UXS1: variants seen among roughly 807,000 people sequenced by gnomAD.
The protein encoded by UXS1 is UDP-glucuronate decarboxylase 1.
Under a neutral mutation model 62.6 loss-of-function variants are expected in UXS1, and 33 were observed. The ratio of observed to expected loss-of-function variants is 0.53; its 90% confidence interval spans 0.40 to 0.70. The LOEUF (loss-of-function observed/expected upper bound fraction) is 0.70. Among genes scored for constraint, UXS1 ranks in the 30% least tolerant of loss-of-function variants. UXS1 has a pLI of 0.00. For synonymous variants in UXS1, 213 were observed against 206.8 expected (o/e 1.03, Z -0.26); for missense variants, 434 against 556.3 (o/e 0.78, Z 2.21).
Position 106,122,955 on chromosome 2 carries a change from A to G in UXS1, c.759+15T>C. 1.2e-6 allele frequency: 2 copies of G among 1,613,276 alleles called. No homozygotes were observed. The highest frequency in any genetic ancestry group is 1.7e-6 in the Non-Finnish European group (2 of 1,179,572). ...CAGCACGCCTAAACCGCAAGCCTAG[A>G]CCCTGGTGAAATACCTGCTTCATGT... On this transcript the variant is annotated intron_variant, in intron 9 of 14. Transcript: ENST00000283148.
chr2:106,149,453 GGAGT>G (rs1681840809), intron 5 of UXS1, among the ~76,000 whole-genome samples: 2 of 152,184 alleles, frequency 1.3e-5, no homozygotes, highest in African/African-American at 2.4e-5. Flanking sequence ...CATTATCAGA[GGAGT>G]GAGTGTGTTA....
Position 106,112,119 on chromosome 2 carries a change from T to A in UXS1, c.879+527A>T, listed in dbSNP as rs143080199. 1.3e-3 allele frequency among the ~76,000 whole-genome samples: 196 copies of A among 152,306 alleles called. No homozygotes were observed. In the Middle Eastern group the frequency reaches 0.037, roughly 29 times the overall value. The stretch of plus-strand genomic sequence containing the variant: ...CAAGCAGTCAGTGTCGGCACAGACA[T>A]CTTTGCCACACACTTGGACCACCGA... On this transcript the variant is annotated intron_variant, in intron 10 of 14. Coordinates refer to ENST00000283148, the MANE Select transcript of UXS1 (RefSeq NM_001253875.2).
intron 7 of UXS1, among the ~76,000 whole-genome samples, chr2:106,128,730 T>C (rs952097586): frequency 1.3e-5 from 2 of 152,220 alleles, no homozygotes; most frequent in African/African-American, 4.8e-5. Context: ...TCTAAATCTC[T>C]ACACATCCTA....
At chr2:106,155,492 C>T (rs1296100668) in intron 5 of UXS1, among the ~76,000 whole-genome samples, 1 of 152,192 alleles carries the variant, frequency 6.6e-6, no homozygotes, top group Non-Finnish European at 1.5e-5. Flanking sequence ...AATTCTAGTC[C>T]TGCAAGCTCC....
chr2:106,178,024 A>T (rs1442566), intron 1 of UXS1, among the ~76,000 whole-genome samples: 16,152 of 152,096 alleles, frequency 0.11, 1,258 homozygotes, highest in East Asian at 0.32. Flanking sequence ...TGCCAGAAGA[A>T]CTCCTCTGTA....
chr2:106,124,766 G>T (rs1679790118), intron 8 of UXS1, among the ~76,000 whole-genome samples: 1 of 152,100 alleles, frequency 6.6e-6, no homozygotes, highest in African/African-American at 2.4e-5. Context: ...CTTCAAAAAA[G>T]TAGACAATGA....
chr2:106,123,589 G>A (rs1679700767), intron 8 of UXS1, among the ~76,000 whole-genome samples: 1 of 152,220 alleles, frequency 6.6e-6, no homozygotes, highest in African/African-American at 2.4e-5. Flanking sequence ...CTGTAGGGCA[G>A]GTGGAGGGAC....
intron 11 of UXS1, chr2:106,102,643 C>T (rs901758425): frequency 6.6e-6 from 1 of 152,134 alleles, no homozygotes; most frequent in African/African-American, 2.4e-5. Flanking sequence ...CCACCTAGAC[C>T]TCAGACTCCC....
chr2:106,121,676 A>G (rs1679532726), intron 9 of UXS1, among the ~76,000 whole-genome samples: 1 of 152,234 alleles, frequency 6.6e-6, no homozygotes, highest in African/African-American at 2.4e-5. Context: ...GAAGTGGATA[A>G]TGTAAGCCAA....
At chr2:106,186,457 T>TACACACACAC (rs55995858) in intron 1 of UXS1, among the ~76,000 whole-genome samples, 1,663 of 148,754 alleles carry the variant, frequency 0.011, 24 homozygotes, top group African/African-American at 0.026. Context: ...TATATATATA[T>TACACACACAC]ACACACACAC....
At chr2:106,188,423 C>T (rs1323139265) in intron 1 of UXS1, among the ~76,000 whole-genome samples, 1 of 152,208 alleles carries the variant, frequency 6.6e-6, no homozygotes, top group East Asian at 1.9e-4. Context: ...GCAGCAGAGA[C>T]AGGAAGTCTG....
intron 13 of UXS1, 185 bp from the exon 14 acceptor site, chr2:106,097,006 C>A (rs1395884563): frequency 2.1e-5 from 15 of 706,706 alleles, no homozygotes; most frequent in Non-Finnish European, 3.8e-5. Flanking sequence ...CCAGGGAGTG[C>A]TCCTGCAACT....
chr2:106,117,733 A>G (rs1035241202), intron 9 of UXS1, among the ~76,000 whole-genome samples: 2 of 152,150 alleles, frequency 1.3e-5, no homozygotes, highest in Non-Finnish European at 2.9e-5. Flanking sequence ...GTATATGCAC[A>G]TCCCTAAAGC....
At chr2:106,121,247 G>A (rs529936173) in intron 9 of UXS1, among the ~76,000 whole-genome samples, 1 of 152,252 alleles carries the variant, frequency 6.6e-6, no homozygotes, top group South Asian at 2.1e-4. Context: ...CTCAAGAAGT[G>A]CTGCTTCTAT....
Position 106,093,890 on chromosome 2 carries a change from G to T in UXS1, c.*136C>A. ...TTTTAGGCACATCCATTTCATTAAA[G>T]CAAGCTTCAGAATGAAATTCCAGTT... On this transcript the variant is annotated 3_prime_UTR_variant, in exon 15 of 15. Coordinates refer to ENST00000283148, the MANE Select transcript of UXS1 (RefSeq NM_001253875.2). 8.1e-7 allele frequency: 1 copy of T among 1,240,982 alleles called. No homozygotes were observed. The highest frequency in any genetic ancestry group is 1.1e-6 in the Non-Finnish European group (1 of 939,384). The allele number at this position is 1,240,982 out of a possible 1,614,324, so 76.9% of individuals were successfully genotyped here.
chr2:106,142,923 A>ATG (rs141333004), intron 6 of UXS1, among the ~76,000 whole-genome samples: 84,729 of 148,904 alleles, frequency 0.57, 24,056 homozygotes, highest in Middle Eastern at 0.62. Context: ...GTTTGCATGT[A>ATG]TGTGTGTGTG....
intron 14 of UXS1, among the ~76,000 whole-genome samples, chr2:106,096,170 G>A (rs1573380864): frequency 1.3e-5 from 2 of 151,376 alleles, no homozygotes; most frequent in East Asian, 2.0e-4. Flanking sequence ...TTGGCACAGC[G>A]TTCACAGTCA....
chr2:106,155,319 T>C (rs1216523976), intron 5 of UXS1, among the ~76,000 whole-genome samples: 1 of 152,202 alleles, frequency 6.6e-6, no homozygotes, highest in Non-Finnish European at 1.5e-5. Context: ...AGAGAGTTCA[T>C]TGCTAGCAGA....
chr2:106,097,570 G>T, intron 13 of UXS1: 1 of 243,912 alleles, frequency 4.1e-6, no homozygotes. Flanking sequence ...CCCAGCCTTA[G>T]GTTTCAAATA....
Sources: gnomAD v4.1 joint callset for allele counts (sites outside exome capture counted in the v4.1 genomes callset) on GRCh38, gnomAD v4.1.1 for gene constraint, MANE v1.5 for transcripts, NCBI Gene and HGNC (gene_info 2026-07-23, HGNC 2026-07-21) for gene names.